TMPRSS11E: variants seen among roughly 807,000 people sequenced by gnomAD.
The protein encoded by TMPRSS11E is transmembrane serine protease 11E.
TMPRSS11E carries 38 observed loss-of-function variants against 48.1 expected under a neutral mutation model. That is an observed-to-expected ratio of 0.79 (90% confidence interval 0.61 to 1.04). The LOEUF is 1.04. Among genes scored for constraint, TMPRSS11E ranks in the 50% least tolerant of loss-of-function variants. The pLI, the probability that TMPRSS11E is intolerant of heterozygous loss-of-function variation, is 0.00. For synonymous variants in TMPRSS11E, 158 were observed against 171.9 expected, an observed-to-expected ratio of 0.92 and a Z score of 0.63; for missense variants, 530 against 510.8, an observed-to-expected ratio of 1.04 and a Z score of -0.36.
intron 8 of TMPRSS11E, among the ~76,000 whole-genome samples, chr4:68,478,147 A>ATATT (rs879193345): frequency 1.1e-5 from 1 of 90,532 alleles, no homozygotes. Flanking sequence ...CTGTATCACT[A>ATATT]TCTTTTTTTT....
intron 1 of TMPRSS11E, among the ~76,000 whole-genome samples, chr4:68,451,754 T>C (rs559718741): frequency 6.6e-6 from 1 of 152,052 alleles, no homozygotes; most frequent in Non-Finnish European, 1.5e-5. Context: ...CCTATGGTTA[T>C]ATTATCATAC....
intron 9 of TMPRSS11E, among the ~76,000 whole-genome samples, chr4:68,480,611 A>C (rs1443683379): frequency 5.3e-5 from 8 of 152,048 alleles, no homozygotes; most frequent in Non-Finnish European, 2.9e-5. Context: ...TAATTTCAAC[A>C]TTTGTGTTAT....
At chr4:68,496,576 A>G (rs1729871204) in intron 9 of TMPRSS11E, 67 bp from the exon 10 acceptor site, 14 of 1,466,254 alleles carry the variant, frequency 9.5e-6, no homozygotes, top group Non-Finnish European at 1.3e-5. Flanking sequence ...TTCTTAAGTT[A>G]GAAAAATAGC....
chr4:68,485,009 C>T (rs1729512583), intron 9 of TMPRSS11E, among the ~76,000 whole-genome samples: 3 of 152,194 alleles, frequency 2.0e-5, no homozygotes, highest in Non-Finnish European at 2.9e-5. Context: ...TGAGAGTGCA[C>T]ATCCTTGTCT....
chr4:68,473,016 G>A (rs62317559), intron 5 of TMPRSS11E, among the ~76,000 whole-genome samples: 41,812 of 151,778 alleles, frequency 0.28, 6,428 homozygotes, highest in Middle Eastern at 0.44. Context: ...ACTATATTTC[G>A]TAGCTTATAC....
intron 9 of TMPRSS11E, among the ~76,000 whole-genome samples, chr4:68,482,317 G>C (rs1578142964): frequency 6.6e-6 from 1 of 152,230 alleles, no homozygotes; most frequent in Admixed American, 6.5e-5. Context: ...AAAGCAACAT[G>C]AGATTTGGGC....
At position 68,497,004 on chromosome 4, in the gene TMPRSS11E, T is replaced by C; in HGVS notation, c.*200T>C. The C allele has an allele frequency of 5.6e-6, 3 of 536,058 alleles. No individual in the cohort carries two copies. Among genetic ancestry groups the C allele is most frequent in the African/African-American group, 1.9e-5 (1 of 51,858 alleles). The allele number at this position is 536,058 out of a possible 1,614,324, so 33.2% of individuals were successfully genotyped here. On this transcript the variant is annotated 3_prime_UTR_variant, in exon 10 of 10. Coordinates refer to ENST00000305363, the MANE Select transcript of TMPRSS11E (RefSeq NM_014058.4). ...TCCTGCTTCTGCCAGATCAACTCTGTCATCTGTGAGCAATAGTTGAAACTT... is the reference window on the plus strand; with the variant it reads ...TCCTGCTTCTGCCAGATCAACTCTGCCATCTGTGAGCAATAGTTGAAACTT...
At chr4:68,480,438 T>C (rs907560221) in intron 9 of TMPRSS11E, among the ~76,000 whole-genome samples, 7 of 152,088 alleles carry the variant, frequency 4.6e-5, no homozygotes, top group African/African-American at 1.7e-4. Context: ...AGTTTTGAAT[T>C]TTGCTTATCA....
In TMPRSS11E at chr4:68,475,064, A is replaced by G. The variant is rs2603186; in HGVS notation, c.529+303A>G. Among the ~76,000 whole-genome samples, 72,907 of 151,856 alleles carry G rather than the reference A, an allele frequency of 0.48. 18,160 individuals are homozygous for G. The highest frequency in any genetic ancestry group is 0.78 in the East Asian group (4,000 of 5,156). ...TTACTTATCAATGTTCTGTTTGTAGATATCTATAAGATAAAACAAATCTAT... is the reference window on the plus strand; with the variant it reads ...TTACTTATCAATGTTCTGTTTGTAGGTATCTATAAGATAAAACAAATCTAT... On this transcript the variant is annotated intron_variant, in intron 6 of 9. Coordinates refer to ENST00000305363, the MANE Select transcript of TMPRSS11E (RefSeq NM_014058.4).
chr4:68,496,739 A>G lies in TMPRSS11E; in HGVS notation c.1207A>G (p.Lys403Glu). The change falls in exon 10 of 10, where the codon AAG becomes GAG. Residue 403 changes from lysine (K) to glutamate (E), a missense_variant. Lys to Glu is a moderately conservative substitution (Grantham distance 56). Coordinates refer to ENST00000305363, the MANE Select transcript of TMPRSS11E (RefSeq NM_014058.4). ...SWGDECAKPN[K>E]PGVYTRVTAL... The stretch of plus-strand genomic sequence containing the variant: ...GGGAGATGAATGTGCGAAACCCAAC[A>G]AGCCTGGTGTTTATACTAGAGTTAC... The G allele has an allele frequency of 2.5e-6, 4 of 1,613,712 alleles. No individual in the cohort carries two copies. Among genetic ancestry groups the G allele is most frequent in the Non-Finnish European group, 3.4e-6 (4 of 1,179,692 alleles).
intron 5 of TMPRSS11E, among the ~76,000 whole-genome samples, chr4:68,472,888 G>GA (rs1331516615): frequency 6.6e-6 from 1 of 151,874 alleles, no homozygotes; most frequent in Non-Finnish European, 1.5e-5. Flanking sequence ...CATTCTAAGA[G>GA]AAAAAAATTA....
chr4:68,455,998 C>A (rs1457155686), intron 1 of TMPRSS11E, among the ~76,000 whole-genome samples: 1 of 151,856 alleles, frequency 6.6e-6, no homozygotes, highest in Non-Finnish European at 1.5e-5. Context: ...TTGCAAATTT[C>A]TAGAGATCAG....
At chr4:68,487,004 C>T (rs1345387554) in intron 9 of TMPRSS11E, among the ~76,000 whole-genome samples, 1 of 152,086 alleles carries the variant, frequency 6.6e-6, no homozygotes, top group Non-Finnish European at 1.5e-5. Flanking sequence ...TACTTTGAGA[C>T]TATGAGTGTC....
At chr4:68,487,114 G>T (rs745493349) in intron 9 of TMPRSS11E, among the ~76,000 whole-genome samples, 9 of 152,072 alleles carry the variant, frequency 5.9e-5, no homozygotes, top group Non-Finnish European at 8.8e-5. Flanking sequence ...CATTAAGCCT[G>T]TTTATATTCA....
intron 8 of TMPRSS11E, among the ~76,000 whole-genome samples, chr4:68,478,449 C>T (rs532615673): frequency 6.9e-4 from 27 of 39,266 alleles, no homozygotes; most frequent in African/African-American, 1.8e-3. Context: ...CGGTATCCCC[C>T]GCTTTTTTTT....
At position 68,461,870 on chromosome 4, in the gene TMPRSS11E, A is replaced by G. The variant is rs201032244; in HGVS notation, c.61A>G (p.Ile21Val). ...RKRVCWEPWV[I>V]GLVIFISLIV... ...AAGAGTTTGTTGGGAACCCTGGGTT[A>G]TCGGCCTCGTCATCTTCATATCCCT... The change falls in exon 2 of 10, where the codon ATC becomes GTC. Residue 21 changes from isoleucine to valine, a missense_variant. Transcript: ENST00000305363. 7 of 1,614,218 alleles carry G rather than the reference A, an allele frequency of 4.3e-6. No homozygotes were observed. In the East Asian group the frequency reaches 1.1e-4, roughly 26 times the overall value.
rs567748088 is a variant in TMPRSS11E, at chr4:68,480,028, A to T, written c.1110+1037A>T. 9.9e-5 allele frequency among the ~76,000 whole-genome samples: 15 copies of T among 152,208 alleles called. No individual in the cohort carries two copies. In the South Asian group the frequency reaches 3.1e-3, roughly 31 times the overall value. ...CTGCTATTAGAATTATTTTTTTCCA[A>T]TAGATGAGGTGTCATTTCTTGCTGT... On this transcript the variant is annotated intron_variant, in intron 9 of 9. Transcript: ENST00000305363.
intron 2 of TMPRSS11E, 109 bp from the exon 3 acceptor site, chr4:68,466,522 G>C: frequency 8.5e-7 from 1 of 1,182,452 alleles, no homozygotes; most frequent in Non-Finnish European, 1.2e-6. Context: ...CCTGTGCTAA[G>C]AGCATTCCTT....
Position 68,461,945 on chromosome 4 carries a change from A to G in TMPRSS11E, c.136A>G (p.Asn46Asp). ...ACTCACTGTTCATTATGTGAGATATAGTAAGTATAAGCTGCCTTGGCATCA... is the reference window on the plus strand; with the variant it reads ...ACTCACTGTTCATTATGTGAGATATGGTAAGTATAAGCTGCCTTGGCATCA... The part of the protein sequence containing the change: ...IGLTVHYVRY[N>D]QKKTYNYYST... Residue 46 changes from asparagine to aspartate, a missense_variant and splice_region_variant, in exon 2 of 10, where the codon AAT (asparagine) becomes GAT (aspartate). Asn to Asp is a conservative substitution (Grantham distance 23). Coordinates refer to ENST00000305363, the MANE Select transcript of TMPRSS11E (RefSeq NM_014058.4). 4.3e-6 allele frequency: 7 copies of G among 1,614,168 alleles called. No homozygotes were observed. The highest frequency in any genetic ancestry group is 5.9e-6 in the Non-Finnish European group (7 of 1,179,998).
Sources: gnomAD v4.1 joint callset for allele counts (sites outside exome capture counted in the v4.1 genomes callset) on GRCh38, gnomAD v4.1.1 for gene constraint, MANE v1.5 for transcripts, NCBI Gene and HGNC (gene_info 2026-07-23, HGNC 2026-07-21) for gene names.